The following IL1RAP variants were observed in gnomAD, a reference collection of about 807,000 sequenced individuals.
The protein encoded by IL1RAP is interleukin 1 receptor accessory protein.
IL1RAP carries 35 observed loss-of-function variants against 60.7 expected under a neutral mutation model. That is an observed-to-expected ratio of 0.58 (90% confidence interval 0.44 to 0.76). The LOEUF is 0.76. IL1RAP is among the 30% of genes least tolerant of loss of function. The probability of loss-of-function intolerance (pLI) is 0.00; values close to 1 mark genes in which losing one functional copy is unlikely to be tolerated. For synonymous variants in IL1RAP, 268 were observed against 250.9 expected, an observed-to-expected ratio of 1.07 and a Z score of -0.64; for missense variants, 572 against 693.9, an observed-to-expected ratio of 0.82 and a Z score of 1.97.
downstream of IL1RAP, among the ~76,000 whole-genome samples, chr3:190,654,994 G>GT (rs927306125): frequency 2.0e-5 from 3 of 152,036 alleles, no homozygotes; most frequent in Non-Finnish European, 4.4e-5. Context: ...CATTTTCATT[G>GT]TTTTTGCCCC....
chr3:190,567,968 G>T (rs2108638094), intron 3 of IL1RAP, among the ~76,000 whole-genome samples: 1 of 152,290 alleles, frequency 6.6e-6, no homozygotes, highest in East Asian at 1.9e-4. Context: ...ACTGTTAAAA[G>T]CTGCCTTTGG....
chr3:190,604,104 T>C (rs1290091388), intron 3 of IL1RAP, 24 bp from the exon 4 acceptor site: 2 of 1,605,170 alleles, frequency 1.2e-6, no homozygotes, highest in African/African-American at 1.3e-5. Context: ...ATCTGCCCCT[T>C]TCTTTCTTTT....
intron 1 of IL1RAP, among the ~76,000 whole-genome samples, chr3:190,536,072 C>T (rs1351540181): frequency 6.6e-6 from 1 of 152,080 alleles, no homozygotes; most frequent in East Asian, 1.9e-4. Context: ...CGTGAAATGG[C>T]CCCAGACCCC....
At chr3:190,555,359 C>T (rs1725325696) in intron 1 of IL1RAP, among the ~76,000 whole-genome samples, 1 of 150,018 alleles carries the variant, frequency 6.7e-6, no homozygotes, top group Admixed American at 6.6e-5. Context: ...AATGCCTCTG[C>T]TGCAGCACTG....
At chr3:190,554,346 T>C (rs1577577307) in intron 1 of IL1RAP, among the ~76,000 whole-genome samples, 2 of 152,218 alleles carry the variant, frequency 1.3e-5, no homozygotes, top group South Asian at 4.2e-4. Flanking sequence ...ATTGAAACCC[T>C]GGTTACTACC....
intron 5 of IL1RAP, among the ~76,000 whole-genome samples, chr3:190,615,550 T>A (rs1041128774): frequency 6.6e-5 from 10 of 152,172 alleles, no homozygotes; most frequent in African/African-American, 2.2e-4. Flanking sequence ...TTTTATTGGG[T>A]GTTTTGTAGA....
rs1301800563 is a variant in IL1RAP, at chr3:190,650,558, T to A, written c.*1853T>A. The A allele has an allele frequency of 2.1e-6, 2 of 934,218 alleles. No homozygotes were observed. Among genetic ancestry groups the A allele is most frequent in the African/African-American group, 1.8e-5 (1 of 56,408 alleles). 57.9% of individuals were successfully genotyped at this position (934,218 alleles called of 1,614,324 possible). A position where few individuals can be genotyped will look rare whatever the true frequency, so the allele number is the denominator to read the frequency against. ...TAAGAAAGCCCTTATCCCGGTAACATGAATGTTGATGAACAAATGTAAAAT... is the reference window on the plus strand; with the variant it reads ...TAAGAAAGCCCTTATCCCGGTAACAAGAATGTTGATGAACAAATGTAAAAT... On this transcript the variant is annotated 3_prime_UTR_variant, in exon 12 of 12. Coordinates refer to ENST00000447382, the MANE Select transcript of IL1RAP (RefSeq NM_002182.4).
chr3:190,551,231 T>C (rs1218742308), intron 1 of IL1RAP, among the ~76,000 whole-genome samples: 3 of 152,222 alleles, frequency 2.0e-5, no homozygotes, highest in African/African-American at 4.8e-5. Flanking sequence ...AGAGCTTTCA[T>C]TGGCTCTGCA....
At chr3:190,526,003 C>T (rs1722478754) in intron 1 of IL1RAP, among the ~76,000 whole-genome samples, 1 of 151,724 alleles carries the variant, frequency 6.6e-6, no homozygotes, top group African/African-American at 2.4e-5. Flanking sequence ...AAATTCCATA[C>T]AAGATCAATT....
In IL1RAP at chr3:190,527,865, ACACAC is replaced by A. The variant is rs542786747; in HGVS notation, c.-89+13647_-89+13651del. Among the ~76,000 whole-genome samples, 613 of 145,842 alleles carry A rather than the reference ACACAC, an allele frequency of 4.2e-3. 2 individuals are homozygous for A. The highest frequency in any genetic ancestry group is 0.015 in the African/African-American group (588 of 39,048). On this transcript the variant is annotated intron_variant, in intron 1 of 11. Transcript: ENST00000447382. The stretch of plus-strand genomic sequence containing the variant: ...CACACACACACACACACACACACAC[ACACAC>A]GAGAATGGTGCCTGATTCATAATTG...
chr3:190,536,867 A>G (rs186661534), intron 1 of IL1RAP, among the ~76,000 whole-genome samples: 9 of 152,288 alleles, frequency 5.9e-5, no homozygotes, highest in Admixed American at 5.9e-4. Context: ...TTATATACAC[A>G]TATGATTCAA....
chr3:190,649,530 G>T lies in IL1RAP; in HGVS notation c.*825G>T. The T allele has an allele frequency of 1.0e-6, 1 of 985,810 alleles. No individual in the cohort carries two copies. The highest frequency in any genetic ancestry group is 1.2e-6 in the Non-Finnish European group (1 of 829,910). 61.1% of individuals were successfully genotyped at this position (985,810 alleles called of 1,614,324 possible). On this transcript the variant is annotated 3_prime_UTR_variant, in exon 12 of 12. Coordinates refer to ENST00000447382, the MANE Select transcript of IL1RAP (RefSeq NM_002182.4). ...AAATCTCCTAATGGTGCTATAGAGA[G>T]GGAGGTAACAGAAAGACTCTTTTAG...
rs1320826067 is a variant in IL1RAP, at chr3:190,645,793, A to T, written c.1296A>T (p.Glu432Asp). 1 of 1,613,898 alleles carries T rather than the reference A, an allele frequency of 6.2e-7. No homozygotes were observed. The highest frequency in any genetic ancestry group is 1.7e-5 in the Admixed American group (1 of 59,988). Residue 432 changes from glutamate (E) to aspartate (D), a missense_variant, in exon 11 of 12, where the codon GAA becomes GAT. Coordinates refer to ENST00000447382, the MANE Select transcript of IL1RAP (RefSeq NM_002182.4). ...CCCTCCGTGGAGTTTTGGAGAATGA[A>T]TTTGGATACAAGCTGTGCATCTTTG... The part of the protein sequence containing the change: ...LLTLRGVLEN[E>D]FGYKLCIFDR...
chr3:190,537,365 G>A (rs1723554697), intron 1 of IL1RAP, among the ~76,000 whole-genome samples: 1 of 152,028 alleles, frequency 6.6e-6, no homozygotes, highest in Non-Finnish European at 1.5e-5. Flanking sequence ...TTACATGCAG[G>A]CAGCTGTACG....
intron 1 of IL1RAP, among the ~76,000 whole-genome samples, chr3:190,555,064 T>A (rs1216261341): frequency 6.6e-6 from 1 of 152,124 alleles, no homozygotes; most frequent in Non-Finnish European, 1.5e-5. Context: ...CCTTTTGAAT[T>A]AGAGAGGTTA....
chr3:190,641,584 C>A (rs1447949198), intron 9 of IL1RAP, among the ~76,000 whole-genome samples: 1 of 151,932 alleles, frequency 6.6e-6, no homozygotes, highest in African/African-American at 2.4e-5. Context: ...TTAAAATGCC[C>A]CATTAGAAAT....
chr3:190,523,956 A>G (rs1342572456), intron 1 of IL1RAP, among the ~76,000 whole-genome samples: 3 of 152,140 alleles, frequency 2.0e-5, no homozygotes, highest in East Asian at 1.9e-4. Flanking sequence ...GTCTTCCACA[A>G]TGGTTGAACT....
At chr3:190,570,629 G>A (rs1478716189) in intron 3 of IL1RAP, among the ~76,000 whole-genome samples, 5 of 152,046 alleles carry the variant, frequency 3.3e-5, no homozygotes, top group African/African-American at 4.8e-5. Flanking sequence ...GCAATGGTGC[G>A]ATCTCAGCTC....
intron 1 of IL1RAP, among the ~76,000 whole-genome samples, chr3:190,525,058 G>A (rs1250399204): frequency 6.6e-6 from 1 of 152,016 alleles, no homozygotes; most frequent in African/African-American, 2.4e-5. Flanking sequence ...ATATATTTAG[G>A]AGTTTTTCAA....
Sources: allele counts gnomAD v4.1 joint callset (sites outside exome capture counted in the v4.1 genomes callset), GRCh38; gene constraint gnomAD v4.1.1; transcripts MANE v1.5; gene names NCBI Gene and HGNC (gene_info 2026-07-23, HGNC 2026-07-21).